The following MMS19 variants were observed in gnomAD, a reference collection of about 807,000 sequenced individuals.
MMS19 encodes the protein MMS19 cytosolic iron-sulfur assembly component, also known as MMS19 nucleotide excision repair protein homolog.
A neutral mutation model predicts 129.8 loss-of-function variants in MMS19; 77 were observed. That is an observed-to-expected ratio of 0.59 (90% CI 0.49 to 0.72). MMS19 has a LOEUF of 0.72. MMS19 is among the 30% of genes least tolerant of loss of function. The pLI, the probability that MMS19 is intolerant of heterozygous loss-of-function variation, is 0.00. For missense variants in MMS19, 1,168 were observed against 1,266.3 expected, an observed-to-expected ratio of 0.92 and a Z score of 1.18; for synonymous variants, 491 against 502.8, an observed-to-expected ratio of 0.98 and a Z score of 0.31.
intron 21 of MMS19, 34 bp downstream of exon 21, chr10:97,461,983 C>T: frequency 6.4e-7 from 1 of 1,562,168 alleles, no homozygotes; most frequent in South Asian, 1.2e-5. Flanking sequence ...TAAAAAAAAA[C>T]CAGCTTGAAG....
Position 97,498,262 on chromosome 10 carries a change from G to A in MMS19, c.112+11C>T. 1 of 1,544,060 alleles carries A rather than the reference G, an allele frequency of 6.5e-7. No homozygotes were observed. The highest frequency in any genetic ancestry group is 1.2e-5 in the South Asian group (1 of 84,850). The stretch of plus-strand genomic sequence containing the variant: ...CCCCATGCGGAAGGCGCGCGGCGCC[G>A]TCTGCCGTACCTGCAGCCACCTGGT... On this transcript the variant is annotated intron_variant, in intron 1 of 30. Coordinates refer to ENST00000438925, the MANE Select transcript of MMS19 (RefSeq NM_022362.5).
intron 18 of MMS19, among the ~76,000 whole-genome samples, 176 bp downstream of exon 18, chr10:97,465,629 T>TA (rs1342431514): frequency 1.3e-5 from 2 of 152,252 alleles, no homozygotes; most frequent in African/African-American, 4.8e-5. Flanking sequence ...TACTGTTGCC[T>TA]AAGTCCCATC....
chr10:97,459,914 A>T, intron 26 of MMS19, 132 bp downstream of exon 26: 1 of 1,074,372 alleles, frequency 9.3e-7, no homozygotes, highest in Non-Finnish European at 1.4e-6. Context: ...ACAAGAATCT[A>T]GAAGTTTAGT....
At position 97,477,338 on chromosome 10, in the gene MMS19, G is replaced by A. The variant is rs1280673689; in HGVS notation, c.493+9C>T. On this transcript the variant is annotated intron_variant, in intron 6 of 30. Transcript: ENST00000438925. ...CTTTTGACATTTCCCAGAAAGCTCTGTCTCTTACCTTCTTCCCGGGTTCGC... is the reference window on the plus strand; with the variant it reads ...CTTTTGACATTTCCCAGAAAGCTCTATCTCTTACCTTCTTCCCGGGTTCGC... The A allele has an allele frequency of 6.2e-7, 1 of 1,613,936 alleles. No homozygotes were observed. Among genetic ancestry groups the A allele is most frequent in the East Asian group, 2.2e-5 (1 of 44,886 alleles).
chr10:97,484,184 TA>T (rs754735181), intron 1 of MMS19, 33 bp from the exon 2 acceptor site: 1,553 of 1,258,430 alleles, frequency 1.2e-3, no homozygotes, highest in Non-Finnish European at 1.3e-3. Flanking sequence ...ATATGAAAAA[TA>T]AAAAAAAAAC....
In MMS19 at chr10:97,458,645, T is replaced by C. The variant is rs573342949; in HGVS notation, c.*47A>G. ...TTGGGGAAGATGGCTCAACAGTTAG[T>C]AATCCCAGGTTAGATTGTCAGAACA... On this transcript the variant is annotated 3_prime_UTR_variant, in exon 31 of 31. Transcript: ENST00000438925. 3.0e-5 allele frequency: 47 copies of C among 1,561,274 alleles called. No homozygotes were observed. The South Asian group carries it at 4.8e-4, about 16-fold the overall frequency.
intron 8 of MMS19, among the ~76,000 whole-genome samples, chr10:97,473,725 T>C (rs758847665): frequency 2.0e-5 from 3 of 152,146 alleles, no homozygotes; most frequent in Non-Finnish European, 2.9e-5. Flanking sequence ...AAGTTTAGTG[T>C]TGATAACAAA....
At chr10:97,492,752 C>T (rs1027544497) in intron 1 of MMS19, among the ~76,000 whole-genome samples, 19 of 147,772 alleles carry the variant, frequency 1.3e-4, no homozygotes, top group South Asian at 2.2e-4. Context: ...CTAGCTGTTT[C>T]GGAGGCTGAG....
intron 18 of MMS19, among the ~76,000 whole-genome samples, 160 bp from the exon 19 acceptor site, chr10:97,464,173 A>G (rs772945739): frequency 6.6e-6 from 1 of 152,184 alleles, no homozygotes; most frequent in African/African-American, 2.4e-5. Context: ...GTTCTTTCTG[A>G]TCTATTCAGA....
intron 16 of MMS19, 75 bp from the exon 17 acceptor site, chr10:97,466,234 G>T: frequency 8.1e-7 from 1 of 1,240,508 alleles, no homozygotes; most frequent in Non-Finnish European, 1.2e-6. Flanking sequence ...ATATTAGGCA[G>T]ATTCAGGAGT....
At chr10:97,469,783 G>A in intron 10 of MMS19, 60 bp from the exon 11 acceptor site, 1 of 1,475,464 alleles carries the variant, frequency 6.8e-7, no homozygotes, top group Non-Finnish European at 9.4e-7. Context: ...GGATGTGCAG[G>A]TACCTCAGCA....
rs569473797 is a variant in MMS19 at position 97,475,101 on chromosome 10, C to T, written c.684+1582G>A. On this transcript the variant is annotated intron_variant, in intron 8 of 30. Coordinates refer to ENST00000438925, the MANE Select transcript of MMS19 (RefSeq NM_022362.5). ...GACTAGTGAAATTATTCATTATTTC[C>T]GGCCAAAGGAATATTATGCAGCCAT... Among the ~76,000 whole-genome samples, 42 of 152,146 alleles carry T rather than the reference C, an allele frequency of 2.8e-4. 1 individual carries two copies. The highest frequency in any genetic ancestry group is 2.0e-4 in the Admixed American group (3 of 15,286).
Position 97,461,929 on chromosome 10 carries a change from C to A in MMS19, c.2116-33G>T, listed in dbSNP as rs377634121. 1.1e-5 allele frequency: 17 copies of A among 1,584,002 alleles called. No individual in the cohort carries two copies. The African/African-American group carries it at 2.0e-4, about 19-fold the overall frequency. ...GGAAGGAGAGCCCGATCAAGCCTGC[C>A]AGCAATAAGCTTGTCTGCCCCTCTA... On this transcript the variant is annotated intron_variant, in intron 21 of 30. Coordinates refer to ENST00000438925, the MANE Select transcript of MMS19 (RefSeq NM_022362.5).
At chr10:97,466,371 T>G in intron 16 of MMS19, 133 bp downstream of exon 16, 1 of 811,472 alleles carries the variant, frequency 1.2e-6, no homozygotes, top group Non-Finnish European at 2.1e-6. Context: ...GCAGCCAGAG[T>G]CTAACACAGA....
In MMS19 at chr10:97,485,774, A is replaced by AT. The variant is rs1464287327; in HGVS notation, c.113-1624dup. Among the ~76,000 whole-genome samples, 5 of 152,240 alleles carry AT rather than the reference A, an allele frequency of 3.3e-5. No homozygotes were observed. In the East Asian group the frequency reaches 9.6e-4, roughly 29 times the overall value. ...ATGAAAATTTTAAAGCACTAGTGAGATATCACTTCATACCTGCTAGGATGG... is the reference window on the plus strand; with the variant it reads ...ATGAAAATTTTAAAGCACTAGTGAGATTATCACTTCATACCTGCTAGGATGG... On this transcript the variant is annotated intron_variant, in intron 1 of 30. Coordinates refer to ENST00000438925, the MANE Select transcript of MMS19 (RefSeq NM_022362.5).
At chr10:97,469,192 G>A (rs2034176617) in intron 11 of MMS19, 88 bp from the exon 12 acceptor site, 2 of 1,467,044 alleles carry the variant, frequency 1.4e-6, no homozygotes, top group Admixed American at 2.5e-5. Context: ...TGTTGGAGAG[G>A]GGAGTGAGAA....
At position 97,476,978 on chromosome 10, in the gene MMS19, A is replaced by G. The variant is rs2035892711; in HGVS notation, c.494-15T>C. The G allele has an allele frequency of 1.2e-6, 2 of 1,613,728 alleles. No individual in the cohort carries two copies. The highest frequency in any genetic ancestry group is 1.7e-6 in the Non-Finnish European group (2 of 1,179,716). On this transcript the variant is annotated splice_polypyrimidine_tract_variant and intron_variant, in intron 6 of 30. Transcript: ENST00000438925. ...GCTCTTTAGCTCTGGGAAGGAGAGA[A>G]TAAGGTTACTATACTGTCCCACAGC...
At position 97,466,112 on chromosome 10, in the gene MMS19, G is replaced by T; in HGVS notation, c.1553C>A (p.Pro518His). The T allele has an allele frequency of 6.3e-7, 1 of 1,599,772 alleles. No individual in the cohort carries two copies. Among genetic ancestry groups the T allele is most frequent in the Non-Finnish European group, 8.5e-7 (1 of 1,173,014 alleles). Residue 518 changes from proline (P) to histidine (H), a missense_variant, in exon 17 of 31, where the codon CCT (proline) becomes CAT (histidine). Physicochemically the swap from Pro to His is moderately conservative, Grantham distance 77 (BLOSUM62 -2). This residue lies in a region of MMS19 where 831 missense variants were observed against 910.8 expected (regional missense o/e 0.91). Coordinates refer to ENST00000438925, the MANE Select transcript of MMS19 (RefSeq NM_022362.5). ...TACGAGGTGGCTGCTGAAGGCCACA[G>T]GGTAGAGAGCAGCCAGGGTTCCTGA... ...EASGTLAALYPVAFSSHLVPK... is the reference protein window; with the variant it reads ...EASGTLAALYHVAFSSHLVPK...
At chr10:97,468,855 C>G in intron 12 of MMS19, 111 bp downstream of exon 12, 3 of 1,168,808 alleles carry the variant, frequency 2.6e-6, no homozygotes, top group Non-Finnish European at 3.5e-6. Context: ...GTGATCCACC[C>G]GCCTCGGCCT....
Sources: gnomAD v4.1 joint callset for allele counts (sites outside exome capture counted in the v4.1 genomes callset) on GRCh38, gnomAD v4.1.1 for gene constraint, gnomAD v4.1.1 regional missense constraint, MANE v1.5 for transcripts, NCBI Gene and HGNC (gene_info 2026-07-23, HGNC 2026-07-21) for gene names.